The following PTPRG variants were observed in gnomAD, a reference collection of about 807,000 sequenced individuals.
PTPRG encodes receptor-type tyrosine-protein phosphatase gamma.
Under a neutral mutation model 165.3 loss-of-function variants are expected in PTPRG, and 102 were observed. The ratio of observed to expected loss-of-function variants is 0.62; its 90% CI spans 0.53 to 0.73. The LOEUF (loss-of-function observed/expected upper bound fraction) is 0.73. Ranked by LOEUF, PTPRG falls within the 30% of genes least tolerant of loss-of-function variation. The pLI, the probability that PTPRG is intolerant of heterozygous loss-of-function variation, is 0.00. For synonymous variants in PTPRG, 675 were observed against 669.5 expected (o/e 1.01, Z -0.13); for missense variants, 1,866 against 1,861.4 (o/e 1.00, Z -0.05).
intron 2 of PTPRG, among the ~76,000 whole-genome samples, chr3:61,757,765 C>T (rs181104628): frequency 3.3e-5 from 5 of 152,134 alleles, no homozygotes; most frequent in East Asian, 3.9e-4. Context: ...TTCATATCTG[C>T]GATGAATCAG....
intron 12 of PTPRG, among the ~76,000 whole-genome samples, chr3:62,205,153 C>CT (rs1281119515): frequency 6.6e-6 from 1 of 151,876 alleles, no homozygotes; most frequent in African/African-American, 2.4e-5. Flanking sequence ...CTGCTATGAA[C>CT]TAATTTTTTG....
intron 2 of PTPRG, among the ~76,000 whole-genome samples, chr3:61,872,920 T>C (rs1248180631): frequency 1.3e-5 from 2 of 152,186 alleles, no homozygotes; most frequent in Non-Finnish European, 2.9e-5. Context: ...CTCCTTGAAA[T>C]TACCTTTTAC....
chr3:62,281,377 T>TATATTTTACAATAGAATACAATAAC (rs1207548144), intron 26 of PTPRG, among the ~76,000 whole-genome samples, 186 bp from the exon 27 acceptor site: 19 of 151,858 alleles, frequency 1.3e-4, no homozygotes, highest in African/African-American at 4.6e-4. Context: ...ATTATCAAAA[T>TATATTTTACAATAGAATACAATAAC]ATATTTTACA....
chr3:61,978,960 A>G (rs1260404625), intron 2 of PTPRG, among the ~76,000 whole-genome samples: 1 of 152,212 alleles, frequency 6.6e-6, no homozygotes, highest in Non-Finnish European at 1.5e-5. Flanking sequence ...CAAGTTTTCT[A>G]GCTTCTGAGC....
intron 2 of PTPRG, among the ~76,000 whole-genome samples, chr3:61,974,924 T>C (rs1424669909): frequency 6.6e-6 from 1 of 152,168 alleles, no homozygotes; most frequent in East Asian, 1.9e-4. Flanking sequence ...TTGCCTAACA[T>C]CCTAACTGCC....
chr3:61,768,888 C>G (rs1296934867), intron 2 of PTPRG, among the ~76,000 whole-genome samples: 1 of 152,114 alleles, frequency 6.6e-6, no homozygotes, highest in Non-Finnish European at 1.5e-5. Flanking sequence ...GGCTGTGCTG[C>G]TGTTGTGAGG....
chr3:61,771,740 G>C (rs1361977987), intron 2 of PTPRG, among the ~76,000 whole-genome samples: 1 of 151,988 alleles, frequency 6.6e-6, no homozygotes, highest in South Asian at 2.1e-4. Flanking sequence ...CTGAACCATA[G>C]TAGGCTTTGG....
chr3:61,899,228 G>A (rs531730107), intron 2 of PTPRG, among the ~76,000 whole-genome samples: 1 of 152,170 alleles, frequency 6.6e-6, no homozygotes, highest in South Asian at 2.1e-4. Context: ...GGTTCCTTGT[G>A]TGCCCTCCAT....
chr3:61,971,360 G>T (rs2040379109), intron 2 of PTPRG, among the ~76,000 whole-genome samples: 1 of 152,180 alleles, frequency 6.6e-6, no homozygotes, highest in Non-Finnish European at 1.5e-5. Flanking sequence ...GAAGTACTTG[G>T]TCTCATTGGG....
intron 1 of PTPRG, among the ~76,000 whole-genome samples, chr3:61,731,456 C>A (rs1450682407): frequency 2.7e-5 from 4 of 150,830 alleles, no homozygotes; most frequent in African/African-American, 9.8e-5. Flanking sequence ...TCAAGCCATT[C>A]CCCTGCCTCA....
intron 6 of PTPRG, among the ~76,000 whole-genome samples, 196 bp from the exon 7 acceptor site, chr3:62,156,871 T>G (rs911632179): frequency 6.6e-6 from 1 of 152,150 alleles, no homozygotes; most frequent in Admixed American, 6.5e-5. Flanking sequence ...GGTACTGGTG[T>G]CCTCAGAACA....
chr3:61,860,169 A>T (rs945422084), intron 2 of PTPRG, among the ~76,000 whole-genome samples: 3 of 152,196 alleles, frequency 2.0e-5, no homozygotes, highest in Admixed American at 2.0e-4. Flanking sequence ...AGTGAAAAGT[A>T]ATTCCTCAGG....
rs193121991 is a variant in PTPRG at position 61,876,850 on chromosome 3, C to G, written c.191-112775C>G. ...TTTTTTCCCAATATATATACTTCTG[C>G]CTAATATCATTTATCTGCCTAAAAT... On this transcript the variant is annotated intron_variant, in intron 2 of 29. Coordinates refer to ENST00000474889, the MANE Select transcript of PTPRG (RefSeq NM_002841.4). Among the ~76,000 whole-genome samples the G allele has an allele frequency of 3.9e-5, 6 of 152,234 alleles. No individual in the cohort carries two copies. In the East Asian group the frequency reaches 1.2e-3, roughly 29 times the overall value.
At chr3:61,690,403 C>T (rs2030121005) in intron 1 of PTPRG, among the ~76,000 whole-genome samples, 1 of 152,170 alleles carries the variant, frequency 6.6e-6, no homozygotes, top group African/African-American at 2.4e-5. Context: ...TTGCTTGATG[C>T]TTGATAGGGA....
At chr3:61,769,083 T>G (rs2034125956) in intron 2 of PTPRG, among the ~76,000 whole-genome samples, 1 of 152,232 alleles carries the variant, frequency 6.6e-6, no homozygotes, top group Admixed American at 6.5e-5. Context: ...CCATTTAGTT[T>G]AATGTGATGA....
chr3:62,022,738 A>C (rs975306467), intron 4 of PTPRG, among the ~76,000 whole-genome samples: 1 of 152,168 alleles, frequency 6.6e-6, no homozygotes, highest in African/African-American at 2.4e-5. Flanking sequence ...TGGGTCTAAA[A>C]TTTACCTCAC....
chr3:61,968,037 T>C (rs35889702), intron 2 of PTPRG, among the ~76,000 whole-genome samples: 36,630 of 152,008 alleles, frequency 0.24, 5,046 homozygotes, highest in African/African-American at 0.37. Flanking sequence ...GCACGTCTTA[T>C]TGGAAGTTGA....
chr3:61,924,128 A>G (rs1269518595), intron 2 of PTPRG, among the ~76,000 whole-genome samples: 4 of 152,074 alleles, frequency 2.6e-5, no homozygotes, highest in Non-Finnish European at 5.9e-5. Flanking sequence ...TCTTGGGCTC[A>G]CTTTCCTTTC....
intron 5 of PTPRG, among the ~76,000 whole-genome samples, chr3:62,092,063 GACACACACACACACACACACACAC>G (rs58689072): frequency 0.079 from 9,089 of 114,910 alleles, 512 homozygotes; most frequent in African/African-American, 0.11. Flanking sequence ...CTTATACATG[GACACACACACACACACACACACAC>G]ACACACACAC....
Sources: gnomAD v4.1 joint callset for allele counts (sites outside exome capture counted in the v4.1 genomes callset) on GRCh38, gnomAD v4.1.1 for gene constraint, MANE v1.5 for transcripts, NCBI Gene and HGNC (gene_info 2026-07-23, HGNC 2026-07-21) for gene names.